Variants in ITGB1 observed in about 807,000 individuals in gnomAD.
ITGB1 encodes the protein integrin beta-1.
ITGB1 carries 24 observed loss-of-function variants against 86.5 expected under a neutral mutation model. That is an observed-to-expected ratio of 0.28 (90% confidence interval 0.20 to 0.39). The LOEUF is 0.39. Among genes scored for constraint, ITGB1 ranks in the 10% least tolerant of loss-of-function variants. The pLI is 1.00. For missense variants in ITGB1, 556 were observed against 946.9 expected (o/e 0.59, Z 5.42); for synonymous variants, 323 against 316.8 (o/e 1.02, Z -0.21).
chr10:32,906,923 A>T lies in ITGB1; in HGVS notation c.2331+1445T>A, dbSNP rs1346542331. On this transcript the variant is annotated intron_variant, in intron 15 of 15. Coordinates refer to ENST00000302278, the MANE Select transcript of ITGB1 (RefSeq NM_002211.4). ...TACGGTCTTTCTAAACGCGAAGTTA[A>T]CATACAAAAAGAAAAGCCACAATAG... 1.5e-5 allele frequency: 7 copies of T among 464,716 alleles called. No homozygotes were observed. The East Asian group carries it at 3.8e-4, about 26-fold the overall frequency. 28.8% of individuals were successfully genotyped at this position (464,716 alleles called of 1,614,324 possible). A position where few individuals can be genotyped will look rare whatever the true frequency, so the allele number is the denominator to read the frequency against.
At chr10:32,919,071 A>C (rs1039145089) in intron 11 of ITGB1, among the ~76,000 whole-genome samples, 1 of 152,230 alleles carries the variant, frequency 6.6e-6, no homozygotes, top group African/African-American at 2.4e-5. Context: ...CTGCATGATT[A>C]AAACAGGATA....
At chr10:32,923,855 G>T in intron 6 of ITGB1, 115 bp from the exon 7 acceptor site, 1 of 836,556 alleles carries the variant, frequency 1.2e-6, no homozygotes, top group Non-Finnish European at 1.8e-6. Flanking sequence ...TATTTTCTGT[G>T]TCTTCTCTTT....
At chr10:32,949,689 C>T (rs1453585199) in intron 1 of ITGB1, among the ~76,000 whole-genome samples, 1 of 152,122 alleles carries the variant, frequency 6.6e-6, no homozygotes, top group Non-Finnish European at 1.5e-5. Context: ...CAAATATGTG[C>T]AATTGTTTCC....
chr10:32,903,768 T>A (rs906209999), intron 15 of ITGB1, among the ~76,000 whole-genome samples: 2 of 152,152 alleles, frequency 1.3e-5, no homozygotes, highest in African/African-American at 4.8e-5. Flanking sequence ...TATACAGCTG[T>A]GAGAGCAGAC....
chr10:32,921,437 T>C (rs12763953), intron 9 of ITGB1, among the ~76,000 whole-genome samples: 20,983 of 152,224 alleles, frequency 0.14, 1,757 homozygotes, highest in East Asian at 0.27. Flanking sequence ...GGAAGCCTCA[T>C]ATGGTAGGCT....
chr10:32,919,086 C>T (rs899437283), intron 11 of ITGB1, among the ~76,000 whole-genome samples: 5 of 152,102 alleles, frequency 3.3e-5, no homozygotes, highest in African/African-American at 4.8e-5. Context: ...AGGATATGTA[C>T]AACATGGAAG....
chr10:32,908,653 T>C (rs2094903995), intron 14 of ITGB1, 119 bp from the exon 15 acceptor site: 8 of 770,628 alleles, frequency 1.0e-5, no homozygotes, highest in Admixed American at 3.0e-5. Context: ...ATCTATAAAA[T>C]AGCTCTTAGA....
At chr10:32,904,016 G>C (rs201980008) in intron 15 of ITGB1, among the ~76,000 whole-genome samples, 2 of 142,458 alleles carry the variant, frequency 1.4e-5, no homozygotes, top group African/African-American at 2.6e-5. Context: ...AAAAAAAAAA[G>C]AAAACAAAAA....
intron 13 of ITGB1, among the ~76,000 whole-genome samples, chr10:32,911,016 G>C (rs1459335978): frequency 6.6e-6 from 1 of 152,136 alleles, no homozygotes; most frequent in Non-Finnish European, 1.5e-5. Context: ...TGGGATTACA[G>C]GTGTGAGCCA....
chr10:32,954,331 T>G (rs2095048362), intron 1 of ITGB1, among the ~76,000 whole-genome samples: 1 of 152,054 alleles, frequency 6.6e-6, no homozygotes, highest in Non-Finnish European at 1.5e-5. Context: ...CAGAAACCAG[T>G]GTCACACTGG....
intron 11 of ITGB1, 98 bp from the exon 12 acceptor site, chr10:32,912,222 G>C: frequency 7.7e-6 from 7 of 911,836 alleles, no homozygotes; most frequent in Non-Finnish European, 1.2e-5. Flanking sequence ...ACAGCTCCCA[G>C]CGTGAGCGAC....
chr10:32,936,927 A>G (rs979369524), intron 1 of ITGB1, among the ~76,000 whole-genome samples: 1 of 152,250 alleles, frequency 6.6e-6, no homozygotes, highest in African/African-American at 2.4e-5. Flanking sequence ...GCAAAAATAG[A>G]AAGTTTTTTA....
At chr10:32,911,315 T>C (rs1020097870) in intron 13 of ITGB1, 133 bp downstream of exon 13, 10 of 705,112 alleles carry the variant, frequency 1.4e-5, no homozygotes, top group East Asian at 8.1e-5. Context: ...AATTAAAGAG[T>C]AGGCTTCCAC....
At chr10:32,931,796 T>C (rs2094984243) in intron 3 of ITGB1, among the ~76,000 whole-genome samples, 1 of 152,164 alleles carries the variant, frequency 6.6e-6, no homozygotes. Context: ...TATTAGTTAT[T>C]CATTCTGTGA....
At chr10:32,907,159 T>C (rs1351783584) in intron 15 of ITGB1, 5 of 1,110,194 alleles carry the variant, frequency 4.5e-6, no homozygotes, top group South Asian at 3.7e-5. Flanking sequence ...GTAAAAGAAA[T>C]AGTTTCTAAT....
At chr10:32,912,240 A>G in intron 11 of ITGB1, 116 bp from the exon 12 acceptor site, 4 of 789,100 alleles carry the variant, frequency 5.1e-6, no homozygotes, top group African/African-American at 1.7e-5. Flanking sequence ...GACACAGAAG[A>G]CAGGTGGTTT....
chr10:32,913,747 A>G (rs1316164565), intron 11 of ITGB1, among the ~76,000 whole-genome samples: 2 of 152,248 alleles, frequency 1.3e-5, no homozygotes, highest in African/African-American at 2.4e-5. Flanking sequence ...ATTTTTCAGG[A>G]TATTATCCAG....
In ITGB1 at chr10:32,938,509, G is replaced by A. The variant is rs117885390; in HGVS notation, c.1-2951C>T. The stretch of plus-strand genomic sequence containing the variant: ...TAACAGAAAATGATTCCTAACATTC[G>A]GAGCCACACTACTTTAAATGTCACT... On this transcript the variant is annotated intron_variant, in intron 1 of 15. Transcript: ENST00000302278. Among the ~76,000 whole-genome samples, 1,169 of 152,226 alleles carry A rather than the reference G, an allele frequency of 7.7e-3. 7 individuals carry two copies. The highest frequency in any genetic ancestry group is 0.02 in the Middle Eastern group (6 of 294).
intron 1 of ITGB1, among the ~76,000 whole-genome samples, chr10:32,948,971 G>GAAAA (rs71299726): frequency 7.7e-4 from 94 of 121,416 alleles, no homozygotes; most frequent in African/African-American, 2.1e-3. Context: ...GTGGATTACT[G>GAAAA]AAAAAAAAAA....
Sources: gnomAD v4.1 joint callset for allele counts (sites outside exome capture counted in the v4.1 genomes callset) on GRCh38, gnomAD v4.1.1 for gene constraint, MANE v1.5 for transcripts, NCBI Gene and HGNC (gene_info 2026-07-23, HGNC 2026-07-21) for gene names.